Variants in UNC5D observed in about 807,000 individuals in gnomAD.
UNC5D encodes the protein netrin receptor UNC5D.
In UNC5D, 39 loss-of-function variants were observed where a neutral mutation model predicts 105.4. That is an observed-to-expected ratio of 0.37 (90% confidence interval 0.29 to 0.48). The LOEUF (loss-of-function observed/expected upper bound fraction) is 0.48. Ranked by LOEUF, UNC5D falls within the 20% of genes least tolerant of loss-of-function variation. UNC5D has a pLI of 0.98. For missense variants in UNC5D, 991 were observed against 1,202.4 expected (o/e 0.82, Z 2.60); for synonymous variants, 452 against 450.4 (o/e 1.00, Z -0.04).
chr8:35,250,396 G>A (rs180966131), intron 1 of UNC5D, among the ~76,000 whole-genome samples: 1 of 152,118 alleles, frequency 6.6e-6, no homozygotes, highest in Non-Finnish European at 1.5e-5. Context: ...GATTCAGGGG[G>A]TGCATGTGCA....
chr8:35,751,609 C>G (rs541424189), intron 13 of UNC5D, among the ~76,000 whole-genome samples: 1 of 152,324 alleles, frequency 6.6e-6, no homozygotes, highest in African/African-American at 2.4e-5. Context: ...ATCTCTTTCA[C>G]TGTAATAATT....
intron 1 of UNC5D, among the ~76,000 whole-genome samples, chr8:35,425,274 AC>A (rs1806166742): frequency 6.6e-6 from 1 of 152,168 alleles, no homozygotes; most frequent in African/African-American, 2.4e-5. Flanking sequence ...TTTTTGCCTC[AC>A]CAAAATGCAT....
intron 1 of UNC5D, among the ~76,000 whole-genome samples, chr8:35,454,939 G>C (rs1434730303): frequency 6.6e-6 from 1 of 152,104 alleles, no homozygotes; most frequent in Non-Finnish European, 1.5e-5. Context: ...GAAGTCAAAT[G>C]AAATTTATCC....
At chr8:35,368,483 A>T (rs1183327315) in intron 1 of UNC5D, among the ~76,000 whole-genome samples, 1 of 152,098 alleles carries the variant, frequency 6.6e-6, no homozygotes, top group African/African-American at 2.4e-5. Flanking sequence ...TCTATTATAT[A>T]ACCACCCTAT....
At chr8:35,676,937 A>G (rs1339461287) in intron 4 of UNC5D, among the ~76,000 whole-genome samples, 1 of 152,048 alleles carries the variant, frequency 6.6e-6, no homozygotes, top group Non-Finnish European at 1.5e-5. Context: ...AAATTTTGTA[A>G]TATACGGGCC....
At chr8:35,676,858 GT>G (rs1316143601) in intron 4 of UNC5D, among the ~76,000 whole-genome samples, 1 of 151,610 alleles carries the variant, frequency 6.6e-6, no homozygotes, top group Non-Finnish European at 1.5e-5. Context: ...GTGTATTGTG[GT>G]TTTTGTGGAC....
intron 1 of UNC5D, among the ~76,000 whole-genome samples, chr8:35,389,541 T>G (rs1798805465): frequency 6.6e-6 from 1 of 152,056 alleles, no homozygotes. Context: ...AACCTAGATC[T>G]CCCCACATCT....
chr8:35,581,963 T>A (rs1818492215), intron 3 of UNC5D, among the ~76,000 whole-genome samples: 1 of 152,144 alleles, frequency 6.6e-6, no homozygotes, highest in Admixed American at 6.5e-5. Flanking sequence ...TCCTCTTCTC[T>A]CCACCTGATA....
At chr8:35,351,953 T>A (rs1268172529) in intron 1 of UNC5D, among the ~76,000 whole-genome samples, 2 of 152,098 alleles carry the variant, frequency 1.3e-5, no homozygotes, top group East Asian at 3.9e-4. Context: ...GGAGGGCAAT[T>A]TATCAGTAAA....
intron 1 of UNC5D, among the ~76,000 whole-genome samples, chr8:35,291,978 T>A (rs532233461): frequency 6.6e-6 from 1 of 152,342 alleles, no homozygotes; most frequent in African/African-American, 2.4e-5. Flanking sequence ...CCATGAACAT[T>A]CACCCGCTGG....
intron 1 of UNC5D, among the ~76,000 whole-genome samples, chr8:35,478,122 A>C (rs1409493278): frequency 6.6e-6 from 1 of 152,126 alleles, no homozygotes; most frequent in Non-Finnish European, 1.5e-5. Context: ...ACAGATCTTA[A>C]TATTCAGAAT....
intron 1 of UNC5D, among the ~76,000 whole-genome samples, chr8:35,419,395 T>G (rs1805738674): frequency 6.6e-6 from 1 of 152,220 alleles, no homozygotes. Flanking sequence ...CCGTGCCTGC[T>G]GCAGTTCTGT....
At chr8:35,610,789 C>T (rs1820620618) in intron 4 of UNC5D, among the ~76,000 whole-genome samples, 3 of 152,084 alleles carry the variant, frequency 2.0e-5, no homozygotes, top group Admixed American at 2.0e-4. Flanking sequence ...GTCTGTATGA[C>T]AGTGTCATTT....
chr8:35,552,563 T>C (rs528895814), intron 2 of UNC5D, among the ~76,000 whole-genome samples: 1 of 152,366 alleles, frequency 6.6e-6, no homozygotes, highest in South Asian at 2.1e-4. Flanking sequence ...AAGCCAATCC[T>C]TTAATCTGGG....
rs1027765042 is a variant in UNC5D, at chr8:35,551,946, G to A, written c.322+2436G>A. On this transcript the variant is annotated intron_variant, in intron 2 of 16. Transcript: ENST00000404895. ...AAACTCTATCAATAAAGAGAAGGGC[G>A]AAGGACTAAACATCTTATTTACATG... 3.9e-5 allele frequency among the ~76,000 whole-genome samples: 6 copies of A among 152,246 alleles called. No homozygotes were observed. In the East Asian group the frequency reaches 5.8e-4, roughly 15 times the overall value.
At chr8:35,481,127 C>A (rs1218575443) in intron 1 of UNC5D, among the ~76,000 whole-genome samples, 2 of 152,152 alleles carry the variant, frequency 1.3e-5, no homozygotes, top group African/African-American at 4.8e-5. Flanking sequence ...TATTTGCTTT[C>A]TAACACATAA....
chr8:35,750,141 GTTTT>G (rs894144853), intron 12 of UNC5D, among the ~76,000 whole-genome samples: 1 of 151,422 alleles, frequency 6.6e-6, no homozygotes, highest in Non-Finnish European at 1.5e-5. Flanking sequence ...CATTTCTTGA[GTTTT>G]TTTTTCTTTT....
intron 4 of UNC5D, among the ~76,000 whole-genome samples, chr8:35,653,586 GTTTC>G (rs1269233029): frequency 1.3e-5 from 2 of 151,990 alleles, no homozygotes; most frequent in East Asian, 3.9e-4. Context: ...ACAATCTTTT[GTTTC>G]TTTGTCTCTT....
Position 35,481,099 on chromosome 8 carries a change from G to A in UNC5D, c.104-68193G>A, listed in dbSNP as rs980895454. Among the ~76,000 whole-genome samples the A allele has an allele frequency of 3.9e-5, 6 of 152,292 alleles. No homozygotes were observed. The East Asian group carries it at 7.7e-4, about 20-fold the overall frequency. On this transcript the variant is annotated intron_variant, in intron 1 of 16. Transcript: ENST00000404895. Reference sequence around the variant, plus strand: ...TGATTCTGTGGATGATATAATCTTGGTTGAAGCCAATTGACTTTATTTGCT... The same window carrying A: ...TGATTCTGTGGATGATATAATCTTGATTGAAGCCAATTGACTTTATTTGCT...
Sources: gnomAD v4.1 joint callset for allele counts (sites outside exome capture counted in the v4.1 genomes callset) on GRCh38, gnomAD v4.1.1 for gene constraint, MANE v1.5 for transcripts, NCBI Gene and HGNC (gene_info 2026-07-23, HGNC 2026-07-21) for gene names.